GPR158: variants seen among roughly 807,000 people sequenced by gnomAD.
GPR158 encodes the protein G protein-coupled receptor 158, also known as metabotropic glycine receptor.
GPR158 carries 30 observed loss-of-function variants against 78.2 expected under a neutral mutation model. The observed-to-expected ratio is 0.38, with a 90% CI of 0.29 to 0.52. The LOEUF is 0.52. Ranked by LOEUF, GPR158 falls within the 20% of genes least tolerant of loss-of-function variation. The pLI is 0.83. For missense variants in GPR158, 1,463 were observed against 1,523.5 expected (o/e 0.96, Z 0.66); for synonymous variants, 581 against 591.1 (o/e 0.98, Z 0.25).
chr10:25,419,071 AT>A (rs981959405), intron 4 of GPR158, among the ~76,000 whole-genome samples: 14 of 152,102 alleles, frequency 9.2e-5, no homozygotes, highest in East Asian at 7.7e-4. Context: ...TCATATTTTT[AT>A]TTTAGTAAAA....
chr10:25,241,311 TTTCTCTTCTC>T lies in GPR158; in HGVS notation c.1008+20172_1008+20181del, dbSNP rs760852108. Among the ~76,000 whole-genome samples the T allele has an allele frequency of 1.2e-4, 13 of 104,576 alleles. 1 individual carries two copies. The highest frequency in any genetic ancestry group is 2.2e-4 in the African/African-American group (5 of 22,822). 68.6% of individuals were successfully genotyped at this position (104,576 alleles called of 152,430 possible). A position where few individuals can be genotyped will look rare whatever the true frequency, so the allele number is the denominator to read the frequency against. On this transcript the variant is annotated intron_variant, in intron 2 of 10. Coordinates refer to ENST00000376351, the MANE Select transcript of GPR158 (RefSeq NM_020752.3). Reference sequence around the variant, plus strand: ...TTTCTTTTCTTTTCTTTTCTTTTCTTTTCTCTTCTCTTCTCTTCTCTTCTCTTTTCTCTTT... The same window carrying T: ...TTTCTTTTCTTTTCTTTTCTTTTCTTTTCTCTTCTCTTCTCTTTTCTCTTT...
At chr10:25,497,397 T>A (rs1033163444) in intron 5 of GPR158, among the ~76,000 whole-genome samples, 1 of 152,164 alleles carries the variant, frequency 6.6e-6, no homozygotes, top group Non-Finnish European at 1.5e-5. Context: ...GGGAGAGTTA[T>A]GAGAAATAAG....
At chr10:25,559,771 AATTTCTTTAC>A (rs1836838324) in intron 6 of GPR158, among the ~76,000 whole-genome samples, 1 of 152,220 alleles carries the variant, frequency 6.6e-6, no homozygotes, top group Non-Finnish European at 1.5e-5. Context: ...AGATGGTTTT[AATTTCTTTAC>A]ATTTGTTTAT....
At chr10:25,275,253 A>G (rs746344290) in intron 2 of GPR158, among the ~76,000 whole-genome samples, 33 of 152,282 alleles carry the variant, frequency 2.2e-4, no homozygotes, top group Non-Finnish European at 3.5e-4. Context: ...TATCACAATC[A>G]TCTGGGGAAC....
intron 5 of GPR158, among the ~76,000 whole-genome samples, chr10:25,515,941 C>A (rs1229312432): frequency 1.3e-5 from 2 of 151,662 alleles, no homozygotes; most frequent in Non-Finnish European, 1.5e-5. Flanking sequence ...TGAGGAATCA[C>A]CACACTGACT....
intron 2 of GPR158, among the ~76,000 whole-genome samples, chr10:25,254,099 A>G (rs779631868): frequency 2.6e-5 from 4 of 152,300 alleles, no homozygotes; most frequent in African/African-American, 9.6e-5. Flanking sequence ...GCTAACACCT[A>G]AGAAATGTTA....
intron 2 of GPR158, among the ~76,000 whole-genome samples, chr10:25,383,152 C>T (rs1176879929): frequency 1.3e-5 from 2 of 152,132 alleles, no homozygotes; most frequent in South Asian, 2.1e-4. Flanking sequence ...GAAGATTCAA[C>T]GTTTTAAAGT....
chr10:25,306,986 C>T (rs577025363), intron 2 of GPR158, among the ~76,000 whole-genome samples: 69 of 146,910 alleles, frequency 4.7e-4, no homozygotes, highest in Non-Finnish European at 8.3e-4. Context: ...GAGAGAGTCA[C>T]ACACACACAC....
Position 25,510,158 on chromosome 10 carries a change from G to A in GPR158, c.1405-40818G>A, listed in dbSNP as rs1836065041. On this transcript the variant is annotated intron_variant, in intron 5 of 10. Transcript: ENST00000376351. ...CATGTGGGATGAGACATAGATCAGT[G>A]TGCTCATCTTTGGAAAATAGAGTCT... is the stretch of plus-strand genomic sequence containing the variant. Among the ~76,000 whole-genome samples, 3 of 152,188 alleles carry A rather than the reference G, an allele frequency of 2.0e-5. No homozygotes were observed. The South Asian group carries it at 6.2e-4, about 31-fold the overall frequency.
rs1436374797 is a variant in GPR158, at chr10:25,516,534, A to C, written c.1405-34442A>C. 3.7e-5 allele frequency among the ~76,000 whole-genome samples: 5 copies of C among 136,318 alleles called. No individual in the cohort carries two copies. In the Admixed American group the frequency reaches 3.8e-4, roughly 10 times the overall value. The allele number at this position is 136,318 out of a possible 152,430, so 89.4% of individuals were successfully genotyped here. A position where few individuals can be genotyped will look rare whatever the true frequency, so the allele number is the denominator to read the frequency against. Reference sequence around the variant, plus strand: ...ACGTTTAAATCTTTAATCCATCTTGAATTGATTTTTGTATAAGGTGTAAGG... The same window carrying C: ...ACGTTTAAATCTTTAATCCATCTTGCATTGATTTTTGTATAAGGTGTAAGG... On this transcript the variant is annotated intron_variant, in intron 5 of 10. Transcript: ENST00000376351.
At chr10:25,240,316 C>A (rs1349418855) in intron 2 of GPR158, among the ~76,000 whole-genome samples, 1 of 152,194 alleles carries the variant, frequency 6.6e-6, no homozygotes, top group Non-Finnish European at 1.5e-5. Context: ...TGAGACCAGC[C>A]TGGCCAACAT....
At chr10:25,474,856 C>G (rs184570336) in intron 5 of GPR158, among the ~76,000 whole-genome samples, 16 of 152,234 alleles carry the variant, frequency 1.1e-4, no homozygotes, top group Admixed American at 9.2e-4. Flanking sequence ...TTGTGGAAGA[C>G]TAAGAATGAG....
intron 2 of GPR158, among the ~76,000 whole-genome samples, chr10:25,313,048 A>C (rs7924033): frequency 0.2 from 30,687 of 151,838 alleles, 5,237 homozygotes; most frequent in African/African-American, 0.47. Context: ...ACTTTAAGAA[A>C]CACAGATTAT....
chr10:25,437,567 A>G (rs1373196903), intron 4 of GPR158, among the ~76,000 whole-genome samples: 1 of 152,214 alleles, frequency 6.6e-6, no homozygotes, highest in Admixed American at 6.5e-5. Flanking sequence ...ATAGTGCAGG[A>G]ACAACTGTCT....
chr10:25,217,759 C>T (rs925691799), intron 1 of GPR158, among the ~76,000 whole-genome samples: 3 of 152,312 alleles, frequency 2.0e-5, no homozygotes, highest in Admixed American at 6.5e-5. Context: ...AATCCTGCTT[C>T]GGGCTTGTTG....
At chr10:25,280,815 T>C (rs1854258469) in intron 2 of GPR158, among the ~76,000 whole-genome samples, 1 of 152,188 alleles carries the variant, frequency 6.6e-6, no homozygotes, top group African/African-American at 2.4e-5. Context: ...GCTAGTATAC[T>C]GACCACATGC....
At chr10:25,270,669 C>T (rs1588768079) in intron 2 of GPR158, among the ~76,000 whole-genome samples, 1 of 152,126 alleles carries the variant, frequency 6.6e-6, no homozygotes, top group African/African-American at 2.4e-5. Flanking sequence ...ATCTACAGGC[C>T]AGATATCTAC....
intron 2 of GPR158, among the ~76,000 whole-genome samples, chr10:25,330,396 T>C (rs145259615): frequency 6.6e-6 from 1 of 152,266 alleles, no homozygotes; most frequent in Non-Finnish European, 1.5e-5. Context: ...ATAAGGGAAC[T>C]CAAGTTTGGC....
At chr10:25,419,057 T>C (rs1288682417) in intron 4 of GPR158, among the ~76,000 whole-genome samples, 3 of 152,062 alleles carry the variant, frequency 2.0e-5, no homozygotes, top group African/African-American at 7.2e-5. Flanking sequence ...TAAAGTTAGG[T>C]ATGTCATATT....
Sources: gnomAD v4.1 joint callset for allele counts (sites outside exome capture counted in the v4.1 genomes callset) on GRCh38, gnomAD v4.1.1 for gene constraint, MANE v1.5 for transcripts, NCBI Gene and HGNC (gene_info 2026-07-23, HGNC 2026-07-21) for gene names.